Variants in FOXO3 observed in about 807,000 individuals in gnomAD.
FOXO3 encodes forkhead box protein O3.
A neutral mutation model predicts 41.9 loss-of-function variants in FOXO3; 4 were observed. The ratio of observed to expected loss-of-function variants is 0.10; its 90% CI spans 0.05 to 0.22. The LOEUF is 0.22. FOXO3 is among the 10% of genes least tolerant of loss of function. The pLI, the probability that FOXO3 is intolerant of heterozygous loss-of-function variation, is 1.00. For synonymous variants in FOXO3, 318 were observed against 389.3 expected, an observed-to-expected ratio of 0.82 and a Z score of 2.16; for missense variants, 534 against 906.8, an observed-to-expected ratio of 0.59 and a Z score of 5.28.
intron 2 of FOXO3, among the ~76,000 whole-genome samples, chr6:108,672,487 T>A (rs945972867): frequency 5.9e-5 from 9 of 151,378 alleles, no homozygotes; most frequent in African/African-American, 2.0e-4. Flanking sequence ...GCAGGTCTTT[T>A]GTGTCTTTCC....
intron 2 of FOXO3, among the ~76,000 whole-genome samples, chr6:108,673,953 C>G (rs1770468864): frequency 6.6e-6 from 1 of 152,170 alleles, no homozygotes. Flanking sequence ...TAGCAAGACT[C>G]TTAATTTGGG....
chr6:108,573,634 C>G (rs1271640807), intron 1 of FOXO3, among the ~76,000 whole-genome samples: 1 of 151,994 alleles, frequency 6.6e-6, no homozygotes, highest in African/African-American at 2.4e-5. Context: ...TTGAGACCAG[C>G]CTGGCCAACA....
chr6:108,672,777 G>A lies in FOXO3; in HGVS notation c.*35-7050G>A, dbSNP rs115229850. Reference sequence around the variant, plus strand: ...ATCCTCTTTCTTCTTCTTTCTCTCCGTCTCCCTTCCCTCTTCTTTTCCTGC... The same window carrying A: ...ATCCTCTTTCTTCTTCTTTCTCTCCATCTCCCTTCCCTCTTCTTTTCCTGC... On this transcript the variant is annotated intron_variant, in intron 2 of 2. Coordinates refer to ENST00000406360, the MANE Select transcript of FOXO3 (RefSeq NM_001455.4). 4.0e-3 allele frequency among the ~76,000 whole-genome samples: 611 copies of A among 151,362 alleles called. 3 individuals are homozygous for A. The highest frequency in any genetic ancestry group is 0.014 in the African/African-American group (577 of 41,156).
chr6:108,571,092 T>A (rs1776086909), intron 1 of FOXO3, among the ~76,000 whole-genome samples: 1 of 152,270 alleles, frequency 6.6e-6, no homozygotes, highest in Non-Finnish European at 1.5e-5. Context: ...TGGGATGTTC[T>A]GTGTTTTAGT....
chr6:108,595,696 T>G (rs2128364603), intron 1 of FOXO3, among the ~76,000 whole-genome samples: 1 of 152,332 alleles, frequency 6.6e-6, no homozygotes, highest in East Asian at 1.9e-4. Context: ...TTCCTACATT[T>G]CCCATTCCTA....
intron 1 of FOXO3, among the ~76,000 whole-genome samples, chr6:108,660,346 C>A (rs1202145025): frequency 1.3e-5 from 2 of 152,094 alleles, no homozygotes; most frequent in Non-Finnish European, 2.9e-5. Context: ...TTTTTAAAAA[C>A]CGTAAAAGGA....
At chr6:108,634,905 G>A (rs945200505) in intron 1 of FOXO3, among the ~76,000 whole-genome samples, 6 of 151,752 alleles carry the variant, frequency 4.0e-5, no homozygotes, top group African/African-American at 1.5e-4. Context: ...GCAGTATTAT[G>A]TATTTTATAT....
intron 2 of FOXO3, among the ~76,000 whole-genome samples, chr6:108,677,521 G>A (rs1447448085): frequency 6.6e-6 from 1 of 152,134 alleles, no homozygotes; most frequent in Non-Finnish European, 1.5e-5. Context: ...TTATGCACTG[G>A]CTTCTGTGGC....
At chr6:108,576,834 T>A (rs1465835697) in intron 1 of FOXO3, among the ~76,000 whole-genome samples, 1 of 152,224 alleles carries the variant, frequency 6.6e-6, no homozygotes, top group African/African-American at 2.4e-5. Flanking sequence ...TAGTTTCTTT[T>A]GTGTTCATTG....
At chr6:108,656,281 C>A in intron 1 of FOXO3, 1 of 670,474 alleles carries the variant, frequency 1.5e-6, no homozygotes, top group Non-Finnish European at 1.8e-6. Flanking sequence ...ATTGATACCA[C>A]ATGTTGCTTC....
Position 108,653,499 on chromosome 6 carries a change from G to A in FOXO3, c.622-9956G>A, listed in dbSNP as rs184995332. Reference sequence around the variant, plus strand: ...CTGTCTCTGCTCTGTTGACACTTAGGAGCTGATTGGATTCAGGTGTGGCAC... The same window carrying A: ...CTGTCTCTGCTCTGTTGACACTTAGAAGCTGATTGGATTCAGGTGTGGCAC... On this transcript the variant is annotated intron_variant, in intron 1 of 2. Coordinates refer to ENST00000406360, the MANE Select transcript of FOXO3 (RefSeq NM_001455.4). 8.3e-4 allele frequency among the ~76,000 whole-genome samples: 127 copies of A among 152,244 alleles called. 1 individual carries two copies. The highest frequency in any genetic ancestry group is 8.2e-3 in the Admixed American group (126 of 15,288).
intron 1 of FOXO3, among the ~76,000 whole-genome samples, chr6:108,628,905 G>A (rs1777884051): frequency 6.6e-6 from 1 of 152,064 alleles, no homozygotes; most frequent in Admixed American, 6.6e-5. Context: ...AACTTCTGGA[G>A]TTAAGATGAA....
upstream of FOXO3, among the ~76,000 whole-genome samples, chr6:108,560,693 G>GCACGCACACC (rs1279819062): frequency 6.6e-6 from 1 of 152,054 alleles, no homozygotes; most frequent in Non-Finnish European, 1.5e-5. Context: ...ATAAACAAAC[G>GCACGCACACC]CACGCACACC....
At chr6:108,652,268 A>G (rs1778565705) in intron 1 of FOXO3, among the ~76,000 whole-genome samples, 1 of 152,232 alleles carries the variant, frequency 6.6e-6, no homozygotes, top group Non-Finnish European at 1.5e-5. Flanking sequence ...AGGTTAGGAC[A>G]TGATAGTAGT....
upstream of FOXO3, among the ~76,000 whole-genome samples, chr6:108,560,405 C>T (rs908118335): frequency 6.6e-6 from 1 of 152,216 alleles, no homozygotes; most frequent in Non-Finnish European, 1.5e-5. Flanking sequence ...TCTGCGAACA[C>T]CCGCTGGGCT....
intron 1 of FOXO3, among the ~76,000 whole-genome samples, chr6:108,610,796 A>G (rs2128369210): frequency 6.6e-6 from 1 of 152,294 alleles, no homozygotes; most frequent in South Asian, 2.1e-4. Flanking sequence ...ACAGTGACAT[A>G]AAATTGCCTC....
In FOXO3 at chr6:108,681,979, GC is replaced by G. The variant is rs1208985870; in HGVS notation, c.*2188del. ...TTGCAGAGGCACTAGTAGCATGGGGGCTAGAGTGGGGAGCGAGATGTAAAAG... is the reference window on the plus strand; with the variant it reads ...TTGCAGAGGCACTAGTAGCATGGGGGTAGAGTGGGGAGCGAGATGTAAAAG... On this transcript the variant is annotated 3_prime_UTR_variant, in exon 3 of 3. Transcript: ENST00000406360. The G allele has an allele frequency of 6.6e-6, 1 of 152,182 alleles. No homozygotes were observed. The highest frequency in any genetic ancestry group is 6.5e-5 in the Admixed American group (1 of 15,268). 9.4% of individuals were successfully genotyped at this position (152,182 alleles called of 1,614,324 possible).
chr6:108,608,338 T>C (rs1777266528), intron 1 of FOXO3, among the ~76,000 whole-genome samples: 1 of 152,212 alleles, frequency 6.6e-6, no homozygotes, highest in Non-Finnish European at 1.5e-5. Context: ...TGGCTATCAC[T>C]GGCCTATTTT....
At chr6:108,641,439 C>T (rs9480866) in intron 1 of FOXO3, among the ~76,000 whole-genome samples, 29,142 of 151,964 alleles carry the variant, frequency 0.19, 3,166 homozygotes, top group Middle Eastern at 0.31. Flanking sequence ...ACCTCTAGGG[C>T]TCCATAAACA....
Sources: allele counts gnomAD v4.1 joint callset (sites outside exome capture counted in the v4.1 genomes callset), GRCh38; gene constraint gnomAD v4.1.1; transcripts MANE v1.5; gene names NCBI Gene and HGNC (gene_info 2026-07-23, HGNC 2026-07-21).